The following TNR variants were observed in gnomAD, a reference collection of about 807,000 sequenced individuals.
The protein encoded by TNR is tenascin R, also known as tenascin-R.
In TNR, 45 loss-of-function variants were observed where a neutral mutation model predicts 150.4. The observed-to-expected ratio is 0.30, with a 90% CI of 0.24 to 0.38. The LOEUF is 0.38. Among genes scored for constraint, TNR ranks in the 10% least tolerant of loss-of-function variants. TNR has a pLI of 1.00. For synonymous variants in TNR, 687 were observed against 678.4 expected (o/e 1.01, Z -0.20); for missense variants, 1,544 against 1,759.1 (o/e 0.88, Z 2.19).
At chr1:175,739,642 A>C (rs1292268400) in intron 1 of TNR, among the ~76,000 whole-genome samples, 1 of 152,190 alleles carries the variant, frequency 6.6e-6, no homozygotes, top group Non-Finnish European at 1.5e-5. Context: ...GGGTGAATGG[A>C]GACATCCCTG....
intron 1 of TNR, among the ~76,000 whole-genome samples, chr1:175,586,064 G>T (rs182933094): frequency 3.3e-5 from 5 of 152,158 alleles, no homozygotes; most frequent in Admixed American, 3.3e-4. Context: ...ATACAGCATG[G>T]TGTGTCCTAT....
At chr1:175,674,816 A>C (rs1665812405) in intron 1 of TNR, among the ~76,000 whole-genome samples, 1 of 152,180 alleles carries the variant, frequency 6.6e-6, no homozygotes, top group East Asian at 1.9e-4. Flanking sequence ...CAGGCCCCCC[A>C]GCATCAATCT....
chr1:175,341,210 C>G (rs1650509220), intron 18 of TNR, among the ~76,000 whole-genome samples: 1 of 152,220 alleles, frequency 6.6e-6, no homozygotes, highest in African/African-American at 2.4e-5. Context: ...TTATCAGAAA[C>G]TCGCCTCTGA....
chr1:175,410,179 G>A (rs921246680), intron 2 of TNR, among the ~76,000 whole-genome samples: 1 of 152,180 alleles, frequency 6.6e-6, no homozygotes, highest in Non-Finnish European at 1.5e-5. Context: ...CCGGCCTGGT[G>A]AATTTGAGAC....
At chr1:175,335,298 T>C (rs1373123154) in intron 20 of TNR, 1 of 162,356 alleles carries the variant, frequency 6.2e-6, no homozygotes, top group Non-Finnish European at 1.3e-5. Flanking sequence ...GGTCAGGTAA[T>C]AACATTCTCC....
intron 4 of TNR, among the ~76,000 whole-genome samples, chr1:175,397,057 C>G (rs1031240767): frequency 6.6e-6 from 1 of 152,118 alleles, no homozygotes; most frequent in Admixed American, 6.5e-5. Context: ...TGCTGATTGT[C>G]AAATTTTCAG....
At chr1:175,574,853 C>T (rs1662036675) in intron 1 of TNR, among the ~76,000 whole-genome samples, 3 of 152,178 alleles carry the variant, frequency 2.0e-5, no homozygotes, top group Admixed American at 6.5e-5. Flanking sequence ...CTCCGTTCTG[C>T]ATGAAGATAA....
intron 1 of TNR, among the ~76,000 whole-genome samples, chr1:175,553,600 T>C (rs1558002791): frequency 6.6e-6 from 1 of 152,198 alleles, no homozygotes; most frequent in Non-Finnish European, 1.5e-5. Flanking sequence ...TAATTAGCAA[T>C]ATTTCTGTGG....
chr1:175,685,684 T>A (rs1271438336), intron 1 of TNR, among the ~76,000 whole-genome samples: 1 of 152,158 alleles, frequency 6.6e-6, no homozygotes. Flanking sequence ...TCATATTAAG[T>A]ATGTCAAAGT....
At chr1:175,664,192 T>C (rs1025111899) in intron 1 of TNR, among the ~76,000 whole-genome samples, 1 of 152,230 alleles carries the variant, frequency 6.6e-6, no homozygotes, top group Admixed American at 6.5e-5. Context: ...TACAGCCAGC[T>C]GGCCTCTGGG....
At chr1:175,615,095 A>T (rs1663727781) in intron 1 of TNR, among the ~76,000 whole-genome samples, 1 of 152,220 alleles carries the variant, frequency 6.6e-6, no homozygotes, top group Non-Finnish European at 1.5e-5. Context: ...CAGTTACATT[A>T]GTGGAGATAA....
intron 1 of TNR, among the ~76,000 whole-genome samples, chr1:175,731,692 G>A (rs538316170): frequency 5.9e-5 from 9 of 152,262 alleles, no homozygotes; most frequent in Middle Eastern, 3.4e-3. Flanking sequence ...CAGATCTCAC[G>A]CTTACCCTGC....
intron 18 of TNR, among the ~76,000 whole-genome samples, chr1:175,342,101 A>C (rs1341133734): frequency 6.6e-6 from 1 of 152,228 alleles, no homozygotes; most frequent in Non-Finnish European, 1.5e-5. Flanking sequence ...AAAGATGGGA[A>C]TATAAAGAAG....
At chr1:175,730,575 C>T (rs1201322904) in intron 1 of TNR, among the ~76,000 whole-genome samples, 1 of 152,194 alleles carries the variant, frequency 6.6e-6, no homozygotes, top group Non-Finnish European at 1.5e-5. Context: ...CCCATTTGTT[C>T]ATTCACTCAA....
At chr1:175,642,923 C>T (rs1484992917) in intron 1 of TNR, among the ~76,000 whole-genome samples, 1 of 152,076 alleles carries the variant, frequency 6.6e-6, no homozygotes, top group African/African-American at 2.4e-5. Context: ...AGAGCAACAT[C>T]CTATCTCTAA....
chr1:175,738,713 T>C (rs1667841735), intron 1 of TNR, among the ~76,000 whole-genome samples: 1 of 152,246 alleles, frequency 6.6e-6, no homozygotes, highest in South Asian at 2.1e-4. Context: ...TATTATCAGC[T>C]TGCTGTGTTC....
At chr1:175,552,212 G>A (rs1027882580) in intron 1 of TNR, among the ~76,000 whole-genome samples, 4 of 152,164 alleles carry the variant, frequency 2.6e-5, no homozygotes, top group East Asian at 1.9e-4. Context: ...ACAGTACCTT[G>A]ATAATAAGAA....
At chr1:175,593,962 C>A (rs556981300) in intron 1 of TNR, among the ~76,000 whole-genome samples, 1 of 152,292 alleles carries the variant, frequency 6.6e-6, no homozygotes, top group African/African-American at 2.4e-5. Context: ...ATTATTCACC[C>A]ATAAAAAGCC....
chr1:175,434,469 C>T (rs1219212709), intron 2 of TNR, among the ~76,000 whole-genome samples: 2 of 152,154 alleles, frequency 1.3e-5, no homozygotes, highest in African/African-American at 4.8e-5. Context: ...CCCTACTGGC[C>T]TGTAACACTG....
Sources: gnomAD v4.1 joint callset for allele counts (sites outside exome capture counted in the v4.1 genomes callset) on GRCh38, gnomAD v4.1.1 for gene constraint, MANE v1.5 for transcripts, NCBI Gene and HGNC (gene_info 2026-07-23, HGNC 2026-07-21) for gene names.